The following FMN2 variants were observed in gnomAD, a reference collection of about 807,000 sequenced individuals.
FMN2 encodes formin 2, also known as formin-2.
FMN2 carries 51 observed loss-of-function variants against 142.3 expected under a neutral mutation model. The ratio of observed to expected loss-of-function variants is 0.36; its 90% CI spans 0.29 to 0.45. The LOEUF (loss-of-function observed/expected upper bound fraction) is 0.45. Ranked by LOEUF, FMN2 falls within the 20% of genes least tolerant of loss-of-function variation. The pLI is 1.00. For synonymous variants in FMN2, 882 were observed against 869.8 expected, an observed-to-expected ratio of 1.01 and a Z score of -0.25; for missense variants, 1,936 against 2,122.8, an observed-to-expected ratio of 0.91 and a Z score of 1.73.
intron 7 of FMN2, among the ~76,000 whole-genome samples, chr1:240,262,822 G>A (rs574215212): frequency 7.5e-5 from 11 of 145,760 alleles, no homozygotes; most frequent in East Asian, 2.1e-4. Flanking sequence ...GTTCAGTGGC[G>A]CAATCTCAGC....
chr1:240,143,935 G>A (rs1333512699), intron 2 of FMN2: 1 of 1,494,770 alleles, frequency 6.7e-7, no homozygotes, highest in Non-Finnish European at 9.3e-7. Context: ...GCCCAAAGAT[G>A]GAACCAAGTC....
At chr1:240,374,176 T>C (rs1169304170) in intron 14 of FMN2, among the ~76,000 whole-genome samples, 1 of 152,206 alleles carries the variant, frequency 6.6e-6, no homozygotes, top group Admixed American at 6.5e-5. Context: ...TGTAAGCAGA[T>C]GTGCTGTCAT....
chr1:240,173,946 A>G (rs1300428053), intron 2 of FMN2, among the ~76,000 whole-genome samples: 1 of 152,126 alleles, frequency 6.6e-6, no homozygotes, highest in African/African-American at 2.4e-5. Flanking sequence ...TTTTATATGG[A>G]AAAAACTATG....
chr1:240,366,652 CTCAGCCTTCCAAGT>C (rs1320189299), intron 14 of FMN2, among the ~76,000 whole-genome samples: 2 of 151,826 alleles, frequency 1.3e-5, no homozygotes, highest in Admixed American at 6.6e-5. Flanking sequence ...ATTCCTCTGC[CTCAGCCTTCCAAGT>C]TCAGCCTTCC....
At chr1:240,318,958 A>G (rs1038432372) in intron 8 of FMN2, among the ~76,000 whole-genome samples, 1 of 152,128 alleles carries the variant, frequency 6.6e-6, no homozygotes, top group Admixed American at 6.6e-5. Flanking sequence ...GAGGAAGAAA[A>G]CCTGACTTGA....
At chr1:240,144,929 T>G in intron 2 of FMN2, 1 of 1,328,124 alleles carries the variant, frequency 7.5e-7, no homozygotes, top group Non-Finnish European at 1.1e-6. Flanking sequence ...TGCCAATTCC[T>G]TCTGGGAGCC....
In FMN2 at chr1:240,207,013, G is replaced by T. The variant is rs140911005; in HGVS notation, c.2201G>T (p.Arg734Leu). The change falls in exon 5 of 18, where the codon CGG (arginine) becomes CTG (leucine). Residue 734 changes from arginine (R) to leucine (L), a missense_variant. This residue lies in a region of FMN2 where 478 missense variants were observed against 462.8 expected (regional missense o/e 1.03). Coordinates refer to ENST00000319653, the MANE Select transcript of FMN2 (RefSeq NM_020066.5). ...CTCAGGTTAGAAGAAAAGGAAGTAC[G>T]GCATCATAGGATTTTAGAGGCGAAA... is the stretch of plus-strand genomic sequence containing the variant. ...EALRLEEKEV[R>L]HHRILEAKSI... The T allele has an allele frequency of 6.2e-7, 1 of 1,614,122 alleles. No individual in the cohort carries two copies.
chr1:240,433,373 C>G (rs548773973), intron 15 of FMN2, among the ~76,000 whole-genome samples: 1 of 152,144 alleles, frequency 6.6e-6, no homozygotes, highest in African/African-American at 2.4e-5. Flanking sequence ...GAAATAGATG[C>G]GCGAGGAAAA....
intron 14 of FMN2, among the ~76,000 whole-genome samples, chr1:240,363,914 G>C (rs1393913144): frequency 2.6e-5 from 4 of 152,070 alleles, no homozygotes; most frequent in Non-Finnish European, 5.9e-5. Flanking sequence ...AGACTTCCCT[G>C]CCTCTGCCAC....
At chr1:240,313,589 C>T (rs73122351) in intron 8 of FMN2, among the ~76,000 whole-genome samples, 3,877 of 152,090 alleles carry the variant, frequency 0.025, 178 homozygotes, top group African/African-American at 0.088. Context: ...TTAGATACTG[C>T]AGCATGGTTT....
intron 8 of FMN2, among the ~76,000 whole-genome samples, chr1:240,316,648 A>G (rs1670789982): frequency 1.3e-5 from 2 of 152,202 alleles, no homozygotes; most frequent in Non-Finnish European, 2.9e-5. Context: ...TTGGATCACC[A>G]TAGCTGGGAT....
At chr1:240,249,966 A>G (rs1446750957) in intron 6 of FMN2, among the ~76,000 whole-genome samples, 1 of 152,076 alleles carries the variant, frequency 6.6e-6, no homozygotes, top group Non-Finnish European at 1.5e-5. Context: ...TACTGAGTTC[A>G]TCAGAACTAA....
intron 13 of FMN2, among the ~76,000 whole-genome samples, chr1:240,338,050 A>G (rs1671623656): frequency 6.6e-6 from 1 of 152,212 alleles, no homozygotes; most frequent in African/African-American, 2.4e-5. Context: ...CATTTGCCAC[A>G]TGACTTAAAT....
intron 2 of FMN2, among the ~76,000 whole-genome samples, chr1:240,126,130 G>A (rs1480132757): frequency 6.6e-6 from 1 of 152,182 alleles, no homozygotes; most frequent in African/African-American, 2.4e-5. Flanking sequence ...CTTGAAAACT[G>A]GAGAGGGCGA....
In FMN2 at chr1:240,093,123, CG is replaced by C; in HGVS notation, c.1015del (p.Val339CysfsTer113). ...CGGGGGAGGAAGCGGCCGGAGCCCC[CG>C]TGCGAGGGGCTGGGGACACGGATGA... ...GPGEEAAGAP[V>X]RGAGDTDEEG... On this transcript the variant is annotated frameshift_variant, in exon 1 of 18. Transcript: ENST00000319653. LOFTEE classifies it high-confidence loss of function. 1 of 1,399,280 alleles carries C rather than the reference CG, an allele frequency of 7.1e-7. No individual in the cohort carries two copies. The allele number at this position is 1,399,280 out of a possible 1,614,324, so 86.7% of individuals were successfully genotyped here.
chr1:240,240,910 G>A (rs1667873511), intron 6 of FMN2, among the ~76,000 whole-genome samples: 1 of 152,084 alleles, frequency 6.6e-6, no homozygotes, highest in Non-Finnish European at 1.5e-5. Context: ...GGCTAGACTG[G>A]CAAAAAGATA....
intron 7 of FMN2, among the ~76,000 whole-genome samples, chr1:240,280,438 G>C (rs1669357755): frequency 6.6e-6 from 1 of 152,110 alleles, no homozygotes; most frequent in Non-Finnish European, 1.5e-5. Context: ...TGGACTTATG[G>C]AGCAATATAT....
intron 15 of FMN2, among the ~76,000 whole-genome samples, chr1:240,430,149 G>A (rs1675114204): frequency 1.3e-5 from 2 of 152,108 alleles, no homozygotes; most frequent in Admixed American, 6.5e-5. Context: ...GCCTCCCAAA[G>A]TGCTGGGATT....
chr1:240,262,771 T>C (rs1177068394), intron 7 of FMN2, among the ~76,000 whole-genome samples: 1 of 149,250 alleles, frequency 6.7e-6, no homozygotes, highest in Non-Finnish European at 1.5e-5. Flanking sequence ...TTTTTTTTTT[T>C]TTTTTTTTGA....
Sources: gnomAD v4.1 joint callset for allele counts (sites outside exome capture counted in the v4.1 genomes callset) on GRCh38, gnomAD v4.1.1 for gene constraint, gnomAD v4.1.1 regional missense constraint, MANE v1.5 for transcripts, NCBI Gene and HGNC (gene_info 2026-07-23, HGNC 2026-07-21) for gene names.